Variants in KALRN observed in about 807,000 individuals in gnomAD.
KALRN encodes the protein kalirin.
A neutral mutation model predicts 353.7 loss-of-function variants in KALRN; 70 were observed. That is an observed-to-expected ratio of 0.20 (90% CI 0.16 to 0.24). The LOEUF (loss-of-function observed/expected upper bound fraction) is 0.24, where lower values mean the gene tolerates loss of function less well. Ranked by LOEUF, KALRN falls within the 10% of genes least tolerant of loss-of-function variation. The pLI is 1.00. For missense variants in KALRN, 2,791 were observed against 3,756.7 expected, an observed-to-expected ratio of 0.74 and a Z score of 6.72; for synonymous variants, 1,391 against 1,434.8, an observed-to-expected ratio of 0.97 and a Z score of 0.69.
intron 5 of KALRN, among the ~76,000 whole-genome samples, chr3:124,280,847 T>G (rs1160646790): frequency 6.6e-6 from 1 of 152,136 alleles, no homozygotes; most frequent in Non-Finnish European, 1.5e-5. Context: ...AGTTACTGTT[T>G]CTCAGGGAAA....
chr3:124,583,357 T>TGA (rs148558377), intron 34 of KALRN, among the ~76,000 whole-genome samples: 25,320 of 152,044 alleles, frequency 0.17, 2,249 homozygotes, highest in Middle Eastern at 0.2. Context: ...CTGTGAGTAA[T>TGA]ACAGTGGTTC....
chr3:124,518,888 A>G lies in KALRN; in HGVS notation c.4935+22475A>G, dbSNP rs182531098. 4.5e-4 allele frequency: 463 copies of G among 1,017,734 alleles called. 2 individuals are homozygous for G. The highest frequency in any genetic ancestry group is 1.1e-3 in the South Asian group (26 of 23,848). 63.0% of individuals were successfully genotyped at this position (1,017,734 alleles called of 1,614,324 possible). On this transcript the variant is annotated intron_variant, in intron 33 of 59. Coordinates refer to ENST00000682506, the MANE Select transcript of KALRN (RefSeq NM_001388419.1). Reference sequence around the variant, plus strand: ...TCTGAAGTTTTTCTCCAGGCTGAACATTTCTATTATCAGTGGCCCCTAATC... The same window carrying G: ...TCTGAAGTTTTTCTCCAGGCTGAACGTTTCTATTATCAGTGGCCCCTAATC...
intron 1 of KALRN, among the ~76,000 whole-genome samples, chr3:124,050,439 A>G (rs2040914865): frequency 6.6e-6 from 1 of 152,178 alleles, no homozygotes; most frequent in African/African-American, 2.4e-5. Flanking sequence ...TCATCTGTTC[A>G]CCACCATCCT....
chr3:124,287,849 AT>A (rs1560468898), intron 5 of KALRN, among the ~76,000 whole-genome samples: 1 of 131,346 alleles, frequency 7.6e-6, no homozygotes, highest in African/African-American at 2.9e-5. Flanking sequence ...TATATATTTA[AT>A]TTTTATGTAT....
chr3:124,483,321 T>A (rs937565990), intron 28 of KALRN, among the ~76,000 whole-genome samples: 6 of 152,062 alleles, frequency 3.9e-5, no homozygotes, highest in Non-Finnish European at 7.4e-5. Flanking sequence ...GAGGCTGAGA[T>A]GGGCAGATCA....
intron 16 of KALRN, among the ~76,000 whole-genome samples, chr3:124,433,140 A>G (rs1232738060): frequency 3.9e-5 from 6 of 152,188 alleles, no homozygotes; most frequent in Admixed American, 3.3e-4. Context: ...GTGTTACTAG[A>G]GGCCTTTACA....
At chr3:124,450,031 A>G (rs1183854239) in intron 21 of KALRN, among the ~76,000 whole-genome samples, 1 of 152,230 alleles carries the variant, frequency 6.6e-6, no homozygotes, top group East Asian at 1.9e-4. Flanking sequence ...TGGCGTGAAC[A>G]GATGTTTCAG....
rs369926604 is a variant in KALRN, at chr3:124,491,581, A to G, written c.4689+157A>G. On this transcript the variant is annotated intron_variant, in intron 31 of 59. Coordinates refer to ENST00000682506, the MANE Select transcript of KALRN (RefSeq NM_001388419.1). ...ACGTGGGCATTGAGAAGCAAATTCT[A>G]TCATGAAAGTAGACCCAGAATCTCA... 114 of 478,174 alleles carry G rather than the reference A, an allele frequency of 2.4e-4. 3 individuals carry two copies. The highest frequency in any genetic ancestry group is 1.4e-3 in the East Asian group (40 of 28,914). The allele number at this position is 478,174 out of a possible 1,614,324, so 29.6% of individuals were successfully genotyped here.
At chr3:124,577,677 A>G (rs1294697716) in intron 34 of KALRN, among the ~76,000 whole-genome samples, 1 of 152,076 alleles carries the variant, frequency 6.6e-6, no homozygotes, top group Non-Finnish European at 1.5e-5. Flanking sequence ...GCTTGAGGCC[A>G]AGAGTTCAAG....
chr3:124,447,855 T>G (rs543664561), intron 21 of KALRN, among the ~76,000 whole-genome samples: 1 of 152,290 alleles, frequency 6.6e-6, no homozygotes, highest in South Asian at 2.1e-4. Context: ...CCTTGTGAAT[T>G]TTGGGCCTTT....
At chr3:124,044,752 G>A (rs78592420) in intron 1 of KALRN, among the ~76,000 whole-genome samples, 4,020 of 151,744 alleles carry the variant, frequency 0.026, 70 homozygotes, top group Middle Eastern at 0.069. Context: ...TTACATGTAC[G>A]ACATATTATG....
chr3:124,485,869 G>T (rs143738740), intron 28 of KALRN, among the ~76,000 whole-genome samples: 55 of 152,298 alleles, frequency 3.6e-4, no homozygotes, highest in African/African-American at 1.2e-3. Flanking sequence ...GATAGAGCGA[G>T]ACTCTGTCTC....
At chr3:124,391,357 G>A (rs1463706224) in intron 11 of KALRN, among the ~76,000 whole-genome samples, 1 of 152,144 alleles carries the variant, frequency 6.6e-6, no homozygotes, top group Non-Finnish European at 1.5e-5. Flanking sequence ...AGAAACCAAC[G>A]TGGAAGACAG....
intron 18 of KALRN, among the ~76,000 whole-genome samples, 157 bp downstream of exon 18, chr3:124,439,194 T>A (rs879797703): frequency 0.12 from 9,275 of 76,784 alleles, 456 homozygotes; most frequent in East Asian, 0.28. Flanking sequence ...TCCTTCTCTC[T>A]CTCTCTCACA....
rs2063840859 is a variant in KALRN, at chr3:124,496,295, T to C, written c.4833-16T>C. The C allele has an allele frequency of 2.5e-6, 4 of 1,608,166 alleles. No homozygotes were observed. The highest frequency in any genetic ancestry group is 1.3e-5 in the African/African-American group (1 of 74,578). On this transcript the variant is annotated splice_polypyrimidine_tract_variant and intron_variant, in intron 32 of 59. Coordinates refer to ENST00000682506, the MANE Select transcript of KALRN (RefSeq NM_001388419.1). The stretch of plus-strand genomic sequence containing the variant: ...CCCCCACCCCCACCCCTGTTTTTTT[T>C]CTCTTCTTCCTGCAGGGATGGAGTG...
chr3:124,046,911 C>CA (rs142623541), intron 1 of KALRN, among the ~76,000 whole-genome samples: 1 of 119,890 alleles, frequency 8.3e-6, no homozygotes, highest in African/African-American at 3.0e-5. Context: ...TTTTTTTTTT[C>CA]AAAAAAGCTA....
intron 10 of KALRN, among the ~76,000 whole-genome samples, chr3:124,378,856 C>A (rs948514343): frequency 6.6e-6 from 1 of 151,558 alleles, no homozygotes; most frequent in African/African-American, 2.4e-5. Context: ...TTTTCTTTCC[C>A]TTTTTTGCCA....
intron 34 of KALRN, among the ~76,000 whole-genome samples, chr3:124,564,204 C>CAA (rs58917238): frequency 9.9e-4 from 73 of 73,916 alleles, no homozygotes; most frequent in African/African-American, 2.9e-3. Context: ...AACTCCGTCT[C>CAA]AAAAAAAAAA....
At chr3:124,481,955 T>G (rs917833425) in intron 27 of KALRN, among the ~76,000 whole-genome samples, 2 of 152,224 alleles carry the variant, frequency 1.3e-5, no homozygotes, top group African/African-American at 4.8e-5. Context: ...GTAAGCTTTT[T>G]GAGGGGAGGG....
Sources: allele counts gnomAD v4.1 joint callset (sites outside exome capture counted in the v4.1 genomes callset), GRCh38; gene constraint gnomAD v4.1.1; transcripts MANE v1.5; gene names NCBI Gene and HGNC (gene_info 2026-07-23, HGNC 2026-07-21).